Variants in GALNT17 observed in about 807,000 individuals in gnomAD.
GALNT17 encodes UDP-GalNAc:polypeptide N-acetylgalactosaminyltransferase-like 3.
In GALNT17, 29 loss-of-function variants were observed where a neutral mutation model predicts 63.7. The ratio of observed to expected loss-of-function variants is 0.46; its 90% CI spans 0.34 to 0.62. GALNT17 has a LOEUF of 0.62. Among genes scored for constraint, GALNT17 ranks in the 20% least tolerant of loss-of-function variants. The pLI, the probability that GALNT17 is intolerant of heterozygous loss-of-function variation, is 0.01. For missense variants in GALNT17, 603 were observed against 799.6 expected (o/e 0.75, Z 2.97); for synonymous variants, 305 against 318.3 (o/e 0.96, Z 0.45).
In GALNT17 at chr7:71,237,906, C is replaced by T. The variant is rs557208025; in HGVS notation, c.239-97644C>T. On this transcript the variant is annotated intron_variant, in intron 1 of 10. Transcript: ENST00000333538. ...TAGATCTTTGTGTGTGATGGGGATG[C>T]GTTAGGGGGCACCCGTTTCTATCCT... is the stretch of plus-strand genomic sequence containing the variant. Among the ~76,000 whole-genome samples, 14 of 152,166 alleles carry T rather than the reference C, an allele frequency of 9.2e-5. No homozygotes were observed. The South Asian group carries it at 1.7e-3, about 18-fold the overall frequency.
chr7:71,295,042 C>G (rs1791052716), intron 1 of GALNT17, among the ~76,000 whole-genome samples: 1 of 152,154 alleles, frequency 6.6e-6, no homozygotes, highest in Non-Finnish European at 1.5e-5. Flanking sequence ...AATATTTCCA[C>G]CTGTACACCC....
intron 1 of GALNT17, among the ~76,000 whole-genome samples, chr7:71,293,886 A>G (rs979199480): frequency 1.3e-5 from 2 of 152,152 alleles, no homozygotes; most frequent in Non-Finnish European, 2.9e-5. Flanking sequence ...TTGGCCAGGC[A>G]TGGTGGCTCA....
chr7:71,623,594 T>C (rs141249099), intron 6 of GALNT17, among the ~76,000 whole-genome samples: 2 of 152,012 alleles, frequency 1.3e-5, no homozygotes, highest in East Asian at 3.9e-4. Flanking sequence ...TTTTTTGTAT[T>C]TTTAACCTTG....
At chr7:71,686,080 G>A (rs1428791906) in intron 9 of GALNT17, among the ~76,000 whole-genome samples, 9 of 149,610 alleles carry the variant, frequency 6.0e-5, no homozygotes, top group African/African-American at 2.2e-4. Flanking sequence ...TCAGCCTCCC[G>A]AGTAGCTGGG....
intron 5 of GALNT17, among the ~76,000 whole-genome samples, chr7:71,508,133 T>G (rs117732446): frequency 0.022 from 3,326 of 152,208 alleles, 45 homozygotes; most frequent in African/African-American, 0.029. Flanking sequence ...TGCCCCCCAG[T>G]CATTGGAGTG....
intron 2 of GALNT17, among the ~76,000 whole-genome samples, chr7:71,354,366 A>G (rs765526573): frequency 6.6e-6 from 1 of 152,140 alleles, no homozygotes; most frequent in African/African-American, 2.4e-5. Context: ...TGGCTATGGT[A>G]TAGTTTATTG....
At chr7:71,569,892 A>C (rs1475400106) in intron 5 of GALNT17, among the ~76,000 whole-genome samples, 2 of 152,110 alleles carry the variant, frequency 1.3e-5, no homozygotes, top group Non-Finnish European at 2.9e-5. Context: ...TTGGGTAGAT[A>C]CCCATTAATG....
chr7:71,521,938 T>A (rs1335490509), intron 5 of GALNT17, among the ~76,000 whole-genome samples: 1 of 152,198 alleles, frequency 6.6e-6, no homozygotes, highest in East Asian at 1.9e-4. Flanking sequence ...GAACGTTAGA[T>A]CATAAGGGCC....
chr7:71,696,193 G>A (rs1259031011), intron 9 of GALNT17, among the ~76,000 whole-genome samples: 1 of 152,108 alleles, frequency 6.6e-6, no homozygotes, highest in Non-Finnish European at 1.5e-5. Context: ...GTTCACTGCA[G>A]CCTTAAGTTC....
intron 1 of GALNT17, among the ~76,000 whole-genome samples, chr7:71,217,918 A>G: frequency 7.2e-6 from 1 of 139,472 alleles, no homozygotes; most frequent in Non-Finnish European, 1.6e-5. Flanking sequence ...ACAGAGCTAG[A>G]CTCCGTCTCA....
intron 5 of GALNT17, among the ~76,000 whole-genome samples, chr7:71,567,630 A>G (rs1442768051): frequency 6.6e-6 from 1 of 152,008 alleles, no homozygotes; most frequent in Non-Finnish European, 1.5e-5. Context: ...ACGCCCAGCT[A>G]ATTTTTGTAT....
intron 2 of GALNT17, among the ~76,000 whole-genome samples, chr7:71,364,824 G>C (rs1792471561): frequency 6.6e-6 from 1 of 152,184 alleles, no homozygotes; most frequent in African/African-American, 2.4e-5. Context: ...GAACTCATTT[G>C]CTGGGGCTGA....
intron 1 of GALNT17, among the ~76,000 whole-genome samples, chr7:71,206,667 G>A (rs920138752): frequency 3.3e-5 from 5 of 152,040 alleles, no homozygotes; most frequent in African/African-American, 1.2e-4. Flanking sequence ...CGACCAAGAC[G>A]GTGGGTTTCT....
At chr7:71,483,014 T>C (rs1787848821) in intron 5 of GALNT17, among the ~76,000 whole-genome samples, 1 of 152,178 alleles carries the variant, frequency 6.6e-6, no homozygotes, top group Non-Finnish European at 1.5e-5. Context: ...TGCGGGCCGC[T>C]CACCTCCTGC....
intron 1 of GALNT17, among the ~76,000 whole-genome samples, chr7:71,299,090 A>T (rs947710145): frequency 6.6e-6 from 1 of 152,106 alleles, no homozygotes; most frequent in Non-Finnish European, 1.5e-5. Context: ...ATAGGGCCTT[A>T]GACCAGTAAG....
At chr7:71,271,867 C>T (rs1790594489) in intron 1 of GALNT17, among the ~76,000 whole-genome samples, 1 of 152,202 alleles carries the variant, frequency 6.6e-6, no homozygotes, top group South Asian at 2.1e-4. Flanking sequence ...TAAAGCGATC[C>T]TCCCGCCTCA....
intron 6 of GALNT17, among the ~76,000 whole-genome samples, chr7:71,629,664 G>C (rs1336051467): frequency 6.6e-6 from 1 of 152,078 alleles, no homozygotes; most frequent in Non-Finnish European, 1.5e-5. Flanking sequence ...TTGGAGAATT[G>C]GGAGTTGGGA....
chr7:71,186,675 C>T (rs1214247680), intron 1 of GALNT17, among the ~76,000 whole-genome samples: 1 of 152,176 alleles, frequency 6.6e-6, no homozygotes, highest in African/African-American at 2.4e-5. Context: ...AACTGGCTCA[C>T]TATTATGAAA....
intron 9 of GALNT17, among the ~76,000 whole-genome samples, chr7:71,707,840 A>G (rs988486671): frequency 1.3e-5 from 2 of 152,212 alleles, no homozygotes; most frequent in Non-Finnish European, 2.9e-5. Context: ...GCACAGCCTC[A>G]CTTCTGCTCC....
Sources: gnomAD v4.1 joint callset for allele counts (sites outside exome capture counted in the v4.1 genomes callset) on GRCh38, gnomAD v4.1.1 for gene constraint, MANE v1.5 for transcripts, NCBI Gene and HGNC (gene_info 2026-07-23, HGNC 2026-07-21) for gene names.